E2F8: variants seen among roughly 807,000 people sequenced by gnomAD.
E2F8 encodes E2F transcription factor 8.
In E2F8, 35 loss-of-function variants were observed where a neutral mutation model predicts 80.8. That is an observed-to-expected ratio of 0.43 (90% CI 0.33 to 0.57). The LOEUF is 0.57. Among genes scored for constraint, E2F8 ranks in the 20% least tolerant of loss-of-function variants. The pLI, the probability that E2F8 is intolerant of heterozygous loss-of-function variation, is 0.04. For missense variants in E2F8, 975 were observed against 1,056.2 expected (o/e 0.92, Z 1.07); for synonymous variants, 386 against 395.0 (o/e 0.98, Z 0.27).
chr11:19,234,144 C>CT (rs1247017848), intron 6 of E2F8, among the ~76,000 whole-genome samples: 4 of 58,632 alleles, frequency 6.8e-5, no homozygotes, highest in Admixed American at 6.8e-4. Context: ...TAGACTCCGT[C>CT]TAAAAAAAAA....
At chr11:19,235,115 T>G in intron 4 of E2F8, 57 bp from the exon 5 acceptor site, 1 of 1,452,380 alleles carries the variant, frequency 6.9e-7, no homozygotes, top group Non-Finnish European at 9.2e-7. Flanking sequence ...TAGAATTGAA[T>G]AGCTTTTTCT....
chr11:19,240,103 G>A lies in E2F8; in HGVS notation c.15+4C>T, dbSNP rs776505844. ...CAATGATGAATACTGAAGTTATAAA[G>A]TACCTTTTCGTTCTCCATTCTGTAA... On this transcript the variant is annotated splice_donor_region_variant and intron_variant, in intron 2 of 12. Transcript: ENST00000250024. 6 of 1,528,340 alleles carry A rather than the reference G, an allele frequency of 3.9e-6. No homozygotes were observed. Among genetic ancestry groups the A allele is most frequent in the Non-Finnish European group, 5.3e-6 (6 of 1,134,210 alleles). The allele number at this position is 1,528,340 out of a possible 1,614,324, so 94.7% of individuals were successfully genotyped here.
At chr11:19,227,686 A>G (rs1325075384) in intron 10 of E2F8, among the ~76,000 whole-genome samples, 1 of 152,278 alleles carries the variant, frequency 6.6e-6, no homozygotes, top group South Asian at 2.1e-4. Context: ...TTGCATACTT[A>G]TCTTCTTTCC....
intron 12 of E2F8, 140 bp from the exon 13 acceptor site, chr11:19,224,980 G>A: frequency 8.4e-7 from 1 of 1,189,996 alleles, no homozygotes; most frequent in Non-Finnish European, 1.2e-6. Context: ...GGGAAGCTTT[G>A]GTGAGTTTTA....
In E2F8 at chr11:19,237,905, C is replaced by T. The variant is rs776608232; in HGVS notation, c.243G>A (p.Arg81=). 6.2e-7 allele frequency: 1 copy of T among 1,614,094 alleles called. No individual in the cohort carries two copies. The highest frequency in any genetic ancestry group is 1.7e-5 in the Admixed American group (1 of 60,012). The part of the protein sequence containing the change: ...SPEIRNRDQK[R]GLFDNRSGLP... ...ATCCACTTCTGTTGTCAAACAAACC[C>T]CTTTTCTGATCTCTGTTGCGGATCT... The change falls in exon 3 of 13, where the codon AGG becomes AGA. Residue 81 remains arginine (R), a synonymous_variant. Transcript: ENST00000250024.
Position 19,225,368 on chromosome 11 carries a change from G to A in E2F8, c.2274C>T (p.Ile758=), listed in dbSNP as rs1851205479. ...VQLSASPGSG[I]VPVSPRIESV... is the part of the protein sequence containing the mutation. ...ACTCTATTCTTGGAGACACAGGAACGATTCCAGACCCAGGGCTGGCAGACA... is the reference window on the plus strand; with the variant it reads ...ACTCTATTCTTGGAGACACAGGAACAATTCCAGACCCAGGGCTGGCAGACA... The change falls in exon 12 of 13, where the codon ATC becomes ATT. Residue 758 remains isoleucine, a synonymous_variant. Transcript: ENST00000250024. 1.2e-6 allele frequency: 2 copies of A among 1,614,178 alleles called. No homozygotes were observed. Among genetic ancestry groups the A allele is most frequent in the Non-Finnish European group, 1.7e-6 (2 of 1,180,032 alleles).
chr11:19,237,778 A>G, intron 3 of E2F8, 76 bp downstream of exon 3: 2 of 1,522,316 alleles, frequency 1.3e-6, no homozygotes, highest in Non-Finnish European at 1.8e-6. Context: ...AATTGCTGGC[A>G]CTTCTCTAAT....
At chr11:19,224,980 G>T in intron 12 of E2F8, 140 bp from the exon 13 acceptor site, 1 of 1,189,986 alleles carries the variant, frequency 8.4e-7, no homozygotes, top group Non-Finnish European at 1.2e-6. Context: ...GGGAAGCTTT[G>T]GTGAGTTTTA....
intron 9 of E2F8, 40 bp from the exon 10 acceptor site, chr11:19,230,028 A>AT (rs772346439): frequency 1.0e-4 from 168 of 1,608,020 alleles, no homozygotes; most frequent in Admixed American, 4.5e-4. Context: ...ATGGATATAC[A>AT]TTTTTTCTGA....
intron 10 of E2F8, among the ~76,000 whole-genome samples, chr11:19,227,004 T>A (rs1851252954): frequency 6.6e-6 from 1 of 152,182 alleles, no homozygotes; most frequent in Admixed American, 6.5e-5. Context: ...TCACTGTACT[T>A]TCCCAAACAG....
At chr11:19,231,892 G>C (rs916749197) in intron 7 of E2F8, among the ~76,000 whole-genome samples, 3 of 152,118 alleles carry the variant, frequency 2.0e-5, no homozygotes, top group African/African-American at 7.2e-5. Flanking sequence ...GTGGGGCGGT[G>C]AGTAGGAAGG....
At chr11:19,233,202 G>C (rs2553971) in intron 6 of E2F8, among the ~76,000 whole-genome samples, 1 of 152,186 alleles carries the variant, frequency 6.6e-6, no homozygotes, top group South Asian at 2.1e-4. Context: ...CTCCCCATCC[G>C]CTGAGCACTT....
chr11:19,225,909 A>G (rs757297770), intron 10 of E2F8, 45 bp from the exon 11 acceptor site: 1 of 1,587,538 alleles, frequency 6.3e-7, no homozygotes. Flanking sequence ...CAAATACAGG[A>G]AGAAAAATGG....
chr11:19,233,129 T>G (rs1194992039), intron 6 of E2F8, among the ~76,000 whole-genome samples: 4 of 152,104 alleles, frequency 2.6e-5, no homozygotes, highest in Non-Finnish European at 5.9e-5. Flanking sequence ...AAGTAACCCC[T>G]CAGTAGTATC....
chr11:19,236,050 C>T (rs138052602), intron 4 of E2F8, among the ~76,000 whole-genome samples: 117 of 152,226 alleles, frequency 7.7e-4, no homozygotes, highest in African/African-American at 2.8e-3. Flanking sequence ...AACTTAATTT[C>T]AATTTAAATA....
intron 4 of E2F8, 119 bp from the exon 5 acceptor site, chr11:19,235,177 T>C: frequency 1.2e-6 from 1 of 865,288 alleles, no homozygotes; most frequent in Non-Finnish European, 1.7e-6. Context: ...TTCCTAACTG[T>C]AAGTGAACAT....
chr11:19,225,770 A>G lies in E2F8; in HGVS notation c.1988T>C (p.Leu663Pro), dbSNP rs574772592. Residue 663 changes from leucine to proline, a missense_variant, in exon 11 of 13, where the codon CTT (leucine) becomes CCT (proline). Transcript: ENST00000250024. ...ILSGKENSSALSPNHRIYSSP... is the reference protein window; with the variant it reads ...ILSGKENSSAPSPNHRIYSSP... ...GCTGTAAATCCTGTGGTTTGGGGAA[A>G]GAGCACTTGAGTTTTCTTTACCAGA... is the stretch of plus-strand genomic sequence containing the variant. 8 of 1,614,100 alleles carry G rather than the reference A, an allele frequency of 5.0e-6. No individual in the cohort carries two copies. Among genetic ancestry groups the G allele is most frequent in the Middle Eastern group, 1.6e-4 (1 of 6,084 alleles).
In E2F8 at chr11:19,229,394, A is replaced by G. The variant is rs1313370931; in HGVS notation, c.1893+60T>C. ...CTTCGGTAAATTTCACAAGCCACCA[A>G]TCTTCCTGTAATAGACTAGGGAATT... On this transcript the variant is annotated intron_variant, in intron 10 of 12. Coordinates refer to ENST00000250024, the MANE Select transcript of E2F8 (RefSeq NM_024680.4). The surrounding 1 kb of genome is among the most constrained non-coding windows in gnomAD (Gnocchi z 4.3). The G allele has an allele frequency of 2.6e-6, 4 of 1,530,800 alleles. No individual in the cohort carries two copies. In the African/African-American group the frequency reaches 4.2e-5, roughly 16 times the overall value. 94.8% of individuals were successfully genotyped at this position (1,530,800 alleles called of 1,614,324 possible). A position where few individuals can be genotyped will look rare whatever the true frequency, so the allele number is the denominator to read the frequency against.
intron 7 of E2F8, 102 bp downstream of exon 7, chr11:19,232,132 A>C (rs895759878): frequency 3.8e-5 from 57 of 1,486,252 alleles, no homozygotes; most frequent in Non-Finnish European, 5.1e-5. Context: ...AACAATGAGA[A>C]CACATGGACA....
Sources: gnomAD v4.1 joint callset for allele counts (sites outside exome capture counted in the v4.1 genomes callset) on GRCh38, gnomAD v4.1.1 for gene constraint, Gnocchi (gnomAD v3.1) non-coding constraint, MANE v1.5 for transcripts, NCBI Gene and HGNC (gene_info 2026-07-23, HGNC 2026-07-21) for gene names.